The following TANC2 variants were observed in gnomAD, a reference collection of about 807,000 sequenced individuals.
TANC2 encodes tetratricopeptide repeat, ankyrin repeat and coiled-coil containing 2, also known as protein TANC2.
TANC2 carries 26 observed loss-of-function variants against 210.5 expected under a neutral mutation model. The ratio of observed to expected loss-of-function variants is 0.12; its 90% CI spans 0.09 to 0.17. The LOEUF (loss-of-function observed/expected upper bound fraction) is 0.17, where lower values mean the gene tolerates loss of function less well. TANC2 is among the 10% of genes least tolerant of loss of function. TANC2 has a pLI of 1.00. For missense variants in TANC2, 2,129 were observed against 2,608.9 expected (o/e 0.82, Z 4.01); for synonymous variants, 931 against 967.1 (o/e 0.96, Z 0.69).
intron 1 of TANC2, among the ~76,000 whole-genome samples, chr17:62,991,416 A>G (rs2032856891): frequency 6.6e-6 from 1 of 152,038 alleles, no homozygotes; most frequent in East Asian, 1.9e-4. Context: ...AGACGGGCGG[A>G]TCATGAGGTC....
At chr17:63,321,123 A>G (rs1254233790) in intron 11 of TANC2, among the ~76,000 whole-genome samples, 3 of 152,034 alleles carry the variant, frequency 2.0e-5, no homozygotes, top group African/African-American at 7.2e-5. Context: ...CCTTGAACCC[A>G]GGAGGTGGAG....
chr17:63,071,813 C>T (rs991650156), intron 2 of TANC2, among the ~76,000 whole-genome samples: 7 of 151,948 alleles, frequency 4.6e-5, no homozygotes, highest in Non-Finnish European at 7.4e-5. Context: ...TTTTTAACAT[C>T]GTTTTTATGA....
intron 9 of TANC2, among the ~76,000 whole-genome samples, chr17:63,310,519 T>G (rs2045086160): frequency 6.6e-6 from 1 of 152,116 alleles, no homozygotes; most frequent in African/African-American, 2.4e-5. Context: ...GAAAATTATT[T>G]GCAAAAAGTA....
chr17:63,137,139 G>A (rs1163027939), intron 4 of TANC2, among the ~76,000 whole-genome samples: 1 of 151,972 alleles, frequency 6.6e-6, no homozygotes, highest in African/African-American at 2.4e-5. Context: ...AAAACCTGGA[G>A]CATTCAGTAG....
intron 1 of TANC2, among the ~76,000 whole-genome samples, chr17:62,999,268 A>G (rs1598217962): frequency 6.6e-6 from 1 of 152,190 alleles, no homozygotes. Context: ...TTCACCTGCC[A>G]TGAGTAAAAG....
intron 5 of TANC2, among the ~76,000 whole-genome samples, chr17:63,160,284 A>G (rs1282796500): frequency 1.3e-5 from 2 of 152,228 alleles, no homozygotes; most frequent in South Asian, 4.1e-4. Context: ...TCATGCCTGT[A>G]ATCCCATTGC....
chr17:63,000,167 A>G (rs897465543), intron 1 of TANC2, among the ~76,000 whole-genome samples: 1 of 152,120 alleles, frequency 6.6e-6, no homozygotes, highest in Non-Finnish European at 1.5e-5. Context: ...TGTACGCCAA[A>G]CCCTGTCACA....
chr17:63,051,073 A>G (rs1318677735), intron 2 of TANC2, among the ~76,000 whole-genome samples: 1 of 152,038 alleles, frequency 6.6e-6, no homozygotes, highest in Non-Finnish European at 1.5e-5. Flanking sequence ...TCTTTTGAAA[A>G]CACCTGTCAG....
Position 63,411,859 on chromosome 17 carries a change from G to A in TANC2, c.3766-139G>A, listed in dbSNP as rs1219378810. 7 of 1,426,502 alleles carry A rather than the reference G, an allele frequency of 4.9e-6. No homozygotes were observed. The Admixed American group carries it at 1.6e-4, about 33-fold the overall frequency. The allele number at this position is 1,426,502 out of a possible 1,614,324, so 88.4% of individuals were successfully genotyped here. ...AATGCTGTTAAAGATCAAGGATATA[G>A]CTAAGGCCTGAAATACATGGCAGCA... On this transcript the variant is annotated intron_variant, in intron 22 of 27. Transcript: ENST00000689528.
At chr17:63,424,307 C>A (rs570994048) in exon 28 of TANC2, 1 of 152,326 alleles carries the variant, frequency 6.6e-6, no homozygotes, top group East Asian at 1.9e-4. Flanking sequence ...AAATGCCATT[C>A]TTTTTGGCCA....
chr17:63,158,319 A>C (rs1409221393), intron 5 of TANC2, among the ~76,000 whole-genome samples: 1 of 152,250 alleles, frequency 6.6e-6, no homozygotes, highest in East Asian at 1.9e-4. Context: ...TACTTAGCAC[A>C]ATGCCTGGAA....
intron 1 of TANC2, among the ~76,000 whole-genome samples, chr17:63,004,047 A>G (rs1399184807): frequency 6.6e-6 from 1 of 152,204 alleles, no homozygotes; most frequent in Non-Finnish European, 1.5e-5. Flanking sequence ...TCAGAAAGCC[A>G]CTATAAAACC....
At chr17:63,397,976 G>T (rs1183643755) in intron 18 of TANC2, among the ~76,000 whole-genome samples, 1 of 152,200 alleles carries the variant, frequency 6.6e-6, no homozygotes. Flanking sequence ...CACCAAGGGA[G>T]TGTTAAGTAA....
intron 7 of TANC2, among the ~76,000 whole-genome samples, chr17:63,235,218 A>G (rs1246510625): frequency 6.6e-6 from 1 of 152,032 alleles, no homozygotes; most frequent in African/African-American, 2.4e-5. Context: ...ACCACATACT[A>G]TCCTTGGTTT....
chr17:63,286,451 T>A (rs1045835754), intron 9 of TANC2, among the ~76,000 whole-genome samples: 1 of 152,356 alleles, frequency 6.6e-6, no homozygotes, highest in African/African-American at 2.4e-5. Flanking sequence ...CCTTCTCACT[T>A]GCATTATTTG....
intron 9 of TANC2, among the ~76,000 whole-genome samples, chr17:63,282,632 C>G (rs963976950): frequency 5.3e-5 from 8 of 152,042 alleles, no homozygotes; most frequent in African/African-American, 1.9e-4. Flanking sequence ...GTGGTTGTAT[C>G]ATTTTCGTTC....
At chr17:63,275,863 T>A (rs1489258724) in intron 9 of TANC2, among the ~76,000 whole-genome samples, 1 of 152,144 alleles carries the variant, frequency 6.6e-6, no homozygotes, top group African/African-American at 2.4e-5. Flanking sequence ...TCATGACATC[T>A]AACTCTGCAA....
At chr17:63,218,880 G>A in intron 7 of TANC2, among the ~76,000 whole-genome samples, 1 of 151,942 alleles carries the variant, frequency 6.6e-6, no homozygotes, top group South Asian at 2.1e-4. Context: ...GGCAACAAGA[G>A]CGAGACTCCA....
chr17:63,218,435 A>G (rs1481379439), intron 7 of TANC2, among the ~76,000 whole-genome samples: 1 of 152,170 alleles, frequency 6.6e-6, no homozygotes, highest in African/African-American at 2.4e-5. Context: ...TACACCTATC[A>G]CTTTTATTCA....
Sources: gnomAD v4.1 joint callset for allele counts (sites outside exome capture counted in the v4.1 genomes callset) on GRCh38, gnomAD v4.1.1 for gene constraint, MANE v1.5 for transcripts, NCBI Gene and HGNC (gene_info 2026-07-23, HGNC 2026-07-21) for gene names.